The following MAP3K9 variants were observed in gnomAD, a reference collection of about 807,000 sequenced individuals.
MAP3K9 encodes the protein mixed lineage kinase 1 (tyr and ser/thr specificity).
A neutral mutation model predicts 95.8 loss-of-function variants in MAP3K9; 46 were observed. The observed-to-expected ratio is 0.48, with a 90% CI of 0.38 to 0.61. The LOEUF (loss-of-function observed/expected upper bound fraction) is 0.61. Ranked by LOEUF, MAP3K9 falls within the 20% of genes least tolerant of loss-of-function variation. The probability of loss-of-function intolerance (pLI) is 0.00; values close to 1 mark genes in which losing one functional copy is unlikely to be tolerated. For missense variants in MAP3K9, 1,296 were observed against 1,474.3 expected, an observed-to-expected ratio of 0.88 and a Z score of 1.98; for synonymous variants, 533 against 593.8, an observed-to-expected ratio of 0.90 and a Z score of 1.49.
intron 2 of MAP3K9, chr14:70,783,262 T>C: frequency 1.1e-6 from 1 of 949,340 alleles, no homozygotes; most frequent in South Asian, 4.8e-5. Flanking sequence ...CAAACAACGG[T>C]AAGGTGGGAA....
chr14:70,749,879 G>T, intron 4 of MAP3K9, 54 bp downstream of exon 4: 1 of 1,608,670 alleles, frequency 6.2e-7, no homozygotes, highest in Non-Finnish European at 8.5e-7. Flanking sequence ...ACTCTACCCA[G>T]TGCTTACAAG....
At chr14:70,736,842 A>C (rs968391814) in intron 8 of MAP3K9, among the ~76,000 whole-genome samples, 23 of 152,116 alleles carry the variant, frequency 1.5e-4, no homozygotes, top group Admixed American at 1.5e-3. Flanking sequence ...TACATATCTA[A>C]ACTTTCTGCT....
At chr14:70,766,783 A>T (rs1566750593) in intron 2 of MAP3K9, among the ~76,000 whole-genome samples, 1 of 152,192 alleles carries the variant, frequency 6.6e-6, no homozygotes. Context: ...TGCCGTACAG[A>T]GGCCAGAAAG....
intron 2 of MAP3K9, among the ~76,000 whole-genome samples, chr14:70,793,808 G>A (rs947593723): frequency 6.6e-6 from 1 of 152,202 alleles, no homozygotes; most frequent in African/African-American, 2.4e-5. Flanking sequence ...AAAGAGGCCA[G>A]GTTGTGTAAC....
At chr14:70,791,850 C>T (rs773974908) in intron 2 of MAP3K9, among the ~76,000 whole-genome samples, 1 of 152,238 alleles carries the variant, frequency 6.6e-6, no homozygotes, top group Non-Finnish European at 1.5e-5. Context: ...GAGAGGAGGG[C>T]CTGTGTCTTT....
At chr14:70,776,660 T>C (rs1322471231) in intron 2 of MAP3K9, among the ~76,000 whole-genome samples, 1 of 152,132 alleles carries the variant, frequency 6.6e-6, no homozygotes, top group Non-Finnish European at 1.5e-5. Flanking sequence ...AATAGGTATA[T>C]ATTTGGCGCT....
At chr14:70,777,065 AGG>A (rs2054609197) in intron 2 of MAP3K9, among the ~76,000 whole-genome samples, 2 of 151,752 alleles carry the variant, frequency 1.3e-5, no homozygotes, top group African/African-American at 4.8e-5. Context: ...TCCTTACCTC[AGG>A]TGATCTGCCT....
At chr14:70,763,266 G>A (rs2054399608) in intron 2 of MAP3K9, among the ~76,000 whole-genome samples, 1 of 152,168 alleles carries the variant, frequency 6.6e-6, no homozygotes, top group Admixed American at 6.5e-5. Context: ...GTCATGCACC[G>A]CATAATGACG....
rs2053874454 is a variant in MAP3K9, at chr14:70,730,194, A to G, written c.*186T>C. On this transcript the variant is annotated 3_prime_UTR_variant, in exon 12 of 12. Coordinates refer to ENST00000554752, the MANE Select transcript of MAP3K9 (RefSeq NM_001284230.2). Reference sequence around the variant, plus strand: ...AGCCCCTCCAGTGGACACGGGTAGAAAGGCCCTGCAGGGCAGGAGACCCTC... The same window carrying G: ...AGCCCCTCCAGTGGACACGGGTAGAGAGGCCCTGCAGGGCAGGAGACCCTC... The G allele has an allele frequency of 6.1e-6, 5 of 820,964 alleles. No homozygotes were observed. The highest frequency in any genetic ancestry group is 3.0e-5 in the Admixed American group (1 of 33,712). The allele number at this position is 820,964 out of a possible 1,614,324, so 50.9% of individuals were successfully genotyped here.
intron 1 of MAP3K9, among the ~76,000 whole-genome samples, chr14:70,804,019 CA>C (rs2054962283): frequency 2.6e-5 from 4 of 152,208 alleles, no homozygotes; most frequent in African/African-American, 9.6e-5. Flanking sequence ...GGTGTCCAAT[CA>C]CTAAGTCTGT....
In MAP3K9 at chr14:70,733,025, C is replaced by T. The variant is rs766443716; in HGVS notation, c.2344G>A (p.Glu782Lys). Residue 782 changes from glutamate (E) to lysine (K), a missense_variant, in exon 11 of 12, where the codon GAG becomes AAG. Around this residue, in one of 5 missense-constraint regions of MAP3K9, gnomAD observed 433 missense variants for 441.4 expected, o/e 0.98. Coordinates refer to ENST00000554752, the MANE Select transcript of MAP3K9 (RefSeq NM_001284230.2). ...TCCTCCCGGGCTGGTGGCTCAGGCT[C>T]CTCCAGGGGAAGCAGCTGGCACTTG... ...AGKCQLLPLEEPEPPAREEKK... is the reference protein window; with the variant it reads ...AGKCQLLPLEKPEPPAREEKK... 53 of 1,614,024 alleles carry T rather than the reference C, an allele frequency of 3.3e-5. No individual in the cohort carries two copies. Among genetic ancestry groups the T allele is most frequent in the East Asian group, 2.2e-5 (1 of 44,872 alleles).
chr14:70,765,653 CA>C (rs1293249313), intron 2 of MAP3K9, among the ~76,000 whole-genome samples: 2 of 150,856 alleles, frequency 1.3e-5, no homozygotes, highest in Admixed American at 6.6e-5. Flanking sequence ...CAGACTACAC[CA>C]GGGGTGTCCA....
At chr14:70,790,497 C>T (rs1238526310) in intron 2 of MAP3K9, among the ~76,000 whole-genome samples, 2 of 152,214 alleles carry the variant, frequency 1.3e-5, no homozygotes, top group East Asian at 1.9e-4. Flanking sequence ...GTGTCAAGGA[C>T]AGCCCTGGGG....
At chr14:70,802,406 G>A (rs1172652938) in intron 1 of MAP3K9, among the ~76,000 whole-genome samples, 1 of 152,146 alleles carries the variant, frequency 6.6e-6, no homozygotes, top group Non-Finnish European at 1.5e-5. Context: ...TTGAACCTAA[G>A]GTACTTGATT....
At chr14:70,741,789 A>T (rs2054073013) in intron 6 of MAP3K9, among the ~76,000 whole-genome samples, 1 of 152,132 alleles carries the variant, frequency 6.6e-6, no homozygotes, top group African/African-American at 2.4e-5. Flanking sequence ...TCTACTAAAA[A>T]TACAAAAATC....
At chr14:70,765,094 C>T (rs962064175) in intron 2 of MAP3K9, among the ~76,000 whole-genome samples, 9 of 151,996 alleles carry the variant, frequency 5.9e-5, no homozygotes, top group Admixed American at 2.0e-4. Context: ...TTTGTGAGGC[C>T]GAGGCAGGAG....
At chr14:70,756,682 CACCCAATTTA>C (rs2054303787) in intron 3 of MAP3K9, among the ~76,000 whole-genome samples, 1 of 152,228 alleles carries the variant, frequency 6.6e-6, no homozygotes. Context: ...ACATAACAGT[CACCCAATTTA>C]ACCATTCGGT....
intron 2 of MAP3K9, among the ~76,000 whole-genome samples, chr14:70,771,441 T>C (rs567230817): frequency 6.6e-6 from 1 of 152,220 alleles, no homozygotes; most frequent in South Asian, 2.1e-4. Context: ...GTACTCCTGC[T>C]TGTTCCTGCC....
intron 2 of MAP3K9, among the ~76,000 whole-genome samples, chr14:70,764,103 G>A (rs1373787747): frequency 7.0e-6 from 1 of 142,326 alleles, no homozygotes; most frequent in Admixed American, 7.2e-5. Flanking sequence ...GGAGAATGGC[G>A]TGAACCCGGG....
Sources: gnomAD v4.1 joint callset for allele counts (sites outside exome capture counted in the v4.1 genomes callset) on GRCh38, gnomAD v4.1.1 for gene constraint, gnomAD v4.1.1 regional missense constraint, MANE v1.5 for transcripts, NCBI Gene and HGNC (gene_info 2026-07-23, HGNC 2026-07-21) for gene names.